LGSN: variants seen among roughly 807,000 people sequenced by gnomAD.
LGSN encodes lengsin.
LGSN carries 21 observed loss-of-function variants against 19.5 expected under a neutral mutation model. The observed-to-expected ratio is 1.07, with a 90% CI of 0.76 to 1.55. The LOEUF (loss-of-function observed/expected upper bound fraction) is 1.55, where lower values mean the gene tolerates loss of function less well. LGSN is among the 40% of genes most tolerant of loss of function. LGSN has a pLI of 0.00. For synonymous variants in LGSN, 257 were observed against 215.6 expected (o/e 1.19, Z -1.68); for missense variants, 673 against 608.5 (o/e 1.11, Z -1.12).
At chr6:63,297,526 C>G (rs1768024301) in intron 1 of LGSN, among the ~76,000 whole-genome samples, 1 of 152,098 alleles carries the variant, frequency 6.6e-6, no homozygotes, top group Non-Finnish European at 1.5e-5. Flanking sequence ...ATAAACATAG[C>G]TATAATAAAA....
At chr6:63,367,117 G>A in the LGSN span, among the ~76,000 whole-genome samples, 1 of 152,150 alleles carries the variant, frequency 6.6e-6, no homozygotes, top group Non-Finnish European at 1.5e-5. Context: ...AAGAGCTTCT[G>A]CACAGCAAAA....
chr6:63,547,241 G>A, the LGSN span, among the ~76,000 whole-genome samples: 3 of 148,650 alleles, frequency 2.0e-5, no homozygotes, highest in African/African-American at 7.5e-5. Flanking sequence ...TGAGACTGGA[G>A]TGCAATGGTA....
At chr6:63,512,869 T>G in the LGSN span, among the ~76,000 whole-genome samples, 1 of 152,228 alleles carries the variant, frequency 6.6e-6, no homozygotes, top group Non-Finnish European at 1.5e-5. Flanking sequence ...CTCACTCTAT[T>G]CTTTCAGCAA....
At chr6:63,446,988 G>T in the LGSN span, among the ~76,000 whole-genome samples, 143 of 152,304 alleles carry the variant, frequency 9.4e-4, no homozygotes, top group Non-Finnish European at 1.5e-3. Flanking sequence ...GGCGGAGGTT[G>T]CAGTGAGCCG....
the LGSN span, among the ~76,000 whole-genome samples, chr6:63,404,536 G>A: frequency 1.3e-5 from 2 of 152,058 alleles, no homozygotes; most frequent in African/African-American, 4.8e-5. Context: ...TCAAGATCAG[G>A]ACACCAGCAG....
the LGSN span, among the ~76,000 whole-genome samples, chr6:63,474,856 G>A: frequency 7.3e-5 from 11 of 150,236 alleles, no homozygotes; most frequent in South Asian, 8.5e-4. Flanking sequence ...CTGGGAGGTG[G>A]AGGTTGCGAT....
the LGSN span, among the ~76,000 whole-genome samples, chr6:63,374,147 G>A: frequency 4.0e-5 from 6 of 151,662 alleles, no homozygotes; most frequent in East Asian, 1.9e-4. Context: ...CTGCATGCCC[G>A]AAACTTACTC....
chr6:63,397,742 A>G, the LGSN span, among the ~76,000 whole-genome samples: 1 of 152,022 alleles, frequency 6.6e-6, no homozygotes, highest in Non-Finnish European at 1.5e-5. Context: ...ACATGGTGAA[A>G]CCCCATCTCT....
At chr6:63,431,038 C>G in the LGSN span, among the ~76,000 whole-genome samples, 4 of 152,072 alleles carry the variant, frequency 2.6e-5, no homozygotes, top group Admixed American at 1.3e-4. Context: ...GTAAATAATA[C>G]CTTACTCTTC....
the LGSN span, among the ~76,000 whole-genome samples, chr6:63,417,565 C>A: frequency 6.6e-6 from 1 of 152,148 alleles, no homozygotes; most frequent in African/African-American, 2.4e-5. Flanking sequence ...GTTTAAATAG[C>A]AGATGTAATT....
At chr6:63,416,925 A>G in the LGSN span, among the ~76,000 whole-genome samples, 4 of 43,920 alleles carry the variant, frequency 9.1e-5, no homozygotes, top group African/African-American at 3.4e-4. Context: ...GTACATACAT[A>G]TGTATGTACA....
At chr6:63,533,970 A>T in the LGSN span, among the ~76,000 whole-genome samples, 1 of 151,900 alleles carries the variant, frequency 6.6e-6, no homozygotes, top group Non-Finnish European at 1.5e-5. Context: ...CAGCCTCCCG[A>T]GTAGCTGGAA....
chr6:63,418,542 A>AGCCTG, the LGSN span, among the ~76,000 whole-genome samples: 143 of 152,364 alleles, frequency 9.4e-4, 2 homozygotes, highest in African/African-American at 3.2e-3. Context: ...GCCTGGCGAC[A>AGCCTG]GAGCGAGACT....
chr6:63,321,421 A>T (rs569135845), upstream of LGSN, among the ~76,000 whole-genome samples: 66 of 152,278 alleles, frequency 4.3e-4, no homozygotes, highest in Middle Eastern at 0.01. Flanking sequence ...GACATGTTTT[A>T]AAAAAATCAT....
chr6:63,556,748 T>C, the LGSN span, among the ~76,000 whole-genome samples: 1 of 152,206 alleles, frequency 6.6e-6, no homozygotes, highest in Non-Finnish European at 1.5e-5. Context: ...TTTCAAAGAA[T>C]AAAAAGTATG....
At chr6:63,532,551 T>C in the LGSN span, among the ~76,000 whole-genome samples, 203 of 151,930 alleles carry the variant, frequency 1.3e-3, 3 homozygotes, top group African/African-American at 4.7e-3. Context: ...ACCAGGTAAA[T>C]AAATGCCATT....
At chr6:63,406,717 CA>C in the LGSN span, among the ~76,000 whole-genome samples, 1 of 151,810 alleles carries the variant, frequency 6.6e-6, no homozygotes, top group African/African-American at 2.4e-5. Flanking sequence ...AAAAACCCTT[CA>C]AAAAATTAAT....
the LGSN span, among the ~76,000 whole-genome samples, chr6:63,352,958 C>T: frequency 6.6e-6 from 1 of 152,004 alleles, no homozygotes; most frequent in Non-Finnish European, 1.5e-5. Flanking sequence ...CCTTAAGTTT[C>T]CTTTTCTCTT....
At chr6:63,419,099 T>C in the LGSN span, among the ~76,000 whole-genome samples, 1 of 152,026 alleles carries the variant, frequency 6.6e-6, no homozygotes, top group African/African-American at 2.4e-5. Context: ...TCTTCAGCAA[T>C]AAATCTGGGA....
Sources: gnomAD v4.1 joint callset for allele counts (sites outside exome capture counted in the v4.1 genomes callset) on GRCh38, gnomAD v4.1.1 for gene constraint, MANE v1.5 for transcripts, NCBI Gene and HGNC (gene_info 2026-07-23, HGNC 2026-07-21) for gene names.